The following PPP2R2C variants were observed in gnomAD, a reference collection of about 807,000 sequenced individuals.
PPP2R2C encodes the protein protein phosphatase 2 regulatory subunit Bgamma.
A neutral mutation model predicts 45.3 loss-of-function variants in PPP2R2C; 10 were observed. The observed-to-expected ratio is 0.22, with a 90% CI of 0.14 to 0.37. The LOEUF is 0.37. PPP2R2C is among the 10% of genes least tolerant of loss of function. The pLI, the probability that PPP2R2C is intolerant of heterozygous loss-of-function variation, is 1.00. For synonymous variants in PPP2R2C, 257 were observed against 245.4 expected (o/e 1.05, Z -0.44); for missense variants, 308 against 619.7 (o/e 0.50, Z 5.34).
At chr4:6,454,649 C>T (rs758883919) in intron 1 of PPP2R2C, among the ~76,000 whole-genome samples, 7 of 152,242 alleles carry the variant, frequency 4.6e-5, no homozygotes, top group Admixed American at 2.6e-4. Flanking sequence ...TCCTGACTCA[C>T]AGAATCCAGG....
intron 1 of PPP2R2C, among the ~76,000 whole-genome samples, chr4:6,402,439 G>T (rs1300039347): frequency 6.6e-6 from 1 of 152,154 alleles, no homozygotes; most frequent in Non-Finnish European, 1.5e-5. Flanking sequence ...TGCAAAATGG[G>T]CATGGTGCTA....
rs185207591 is a variant in PPP2R2C at position 6,493,593 on chromosome 4, C to T, written c.49+41678G>A. On this transcript the variant is annotated intron_variant, in intron 2 of 9. Transcript: ENST00000506140. ...GTTAGAAATCTGACACATACTAGATCGATCTAGTGCAAAATGAAAGATAAA... is the reference window on the plus strand; with the variant it reads ...GTTAGAAATCTGACACATACTAGATTGATCTAGTGCAAAATGAAAGATAAA... 7.3e-5 allele frequency among the ~76,000 whole-genome samples: 11 copies of T among 151,148 alleles called. No individual in the cohort carries two copies. In the East Asian group the frequency reaches 1.4e-3, roughly 19 times the overall value.
At position 6,478,761 on chromosome 4, in the gene PPP2R2C, G is replaced by T. The variant is rs139005751; in HGVS notation, c.49+56510C>A. ...ACAGCCGTGAATGACCCTCCAAAAC[G>T]CAGCGGCTTCAAGGCTATTTCGCAC... On this transcript the variant is annotated intron_variant, in intron 2 of 9. Coordinates refer to the PPP2R2C transcript ENST00000506140. Among the ~76,000 whole-genome samples, 83 of 152,284 alleles carry T rather than the reference G, an allele frequency of 5.5e-4. 1 individual carries two copies. The highest frequency in any genetic ancestry group is 1.9e-3 in the African/African-American group (79 of 41,556).
intron 2 of PPP2R2C, among the ~76,000 whole-genome samples, chr4:6,533,572 G>A (rs1006443947): frequency 3.9e-5 from 6 of 152,196 alleles, no homozygotes; most frequent in African/African-American, 1.4e-4. Context: ...GTTTTATGTC[G>A]TTAATGCCTA....
intron 5 of PPP2R2C, among the ~76,000 whole-genome samples, chr4:6,356,963 C>A (rs1271486867): frequency 6.7e-6 from 1 of 148,636 alleles, no homozygotes; most frequent in Admixed American, 6.7e-5. Flanking sequence ...TGTGGCACCT[C>A]GGGCCAGTCT....
At chr4:6,492,337 T>C (rs954133596) in intron 2 of PPP2R2C, among the ~76,000 whole-genome samples, 5 of 152,170 alleles carry the variant, frequency 3.3e-5, no homozygotes, top group African/African-American at 1.2e-4. Context: ...TGCCTACCCA[T>C]GGCCAACCCC....
At chr4:6,534,955 G>A (rs749513404) in intron 2 of PPP2R2C, among the ~76,000 whole-genome samples, 3 of 152,214 alleles carry the variant, frequency 2.0e-5, no homozygotes, top group African/African-American at 4.8e-5. Context: ...AGTAAACAAC[G>A]CTCCTGGCTC....
intron 3 of PPP2R2C, 108 bp from the exon 4 acceptor site, chr4:6,376,039 G>T: frequency 2.2e-6 from 2 of 914,204 alleles, no homozygotes; most frequent in Non-Finnish European, 3.4e-6. Flanking sequence ...GGGAAGGAGG[G>T]GGTTCTGCCA....
chr4:6,329,474 G>A lies in PPP2R2C; in HGVS notation c.961-121C>T, dbSNP rs73073189. On this transcript the variant is annotated intron_variant, in intron 7 of 8. Coordinates refer to ENST00000382599, the MANE Select transcript of PPP2R2C (RefSeq NM_020416.4). This position sits in a 1 kb window ranked among gnomAD's most constrained non-coding sequence, Gnocchi z 5.8. ...CCCTGACATGGCCCAGCGCAGACCT[G>A]CTCATCTCAGCGAGGGTCTGAATGC... 8,213 of 787,948 alleles carry A rather than the reference G, an allele frequency of 0.01. 409 individuals are homozygous for A. The African/African-American group carries it at 0.12, about 11-fold the overall frequency. The allele number at this position is 787,948 out of a possible 1,614,324, so 48.8% of individuals were successfully genotyped here.
At chr4:6,513,197 G>C (rs1723724167) in intron 2 of PPP2R2C, among the ~76,000 whole-genome samples, 1 of 152,172 alleles carries the variant, frequency 6.6e-6, no homozygotes, top group African/African-American at 2.4e-5. Context: ...CATCTACCCA[G>C]TAAATATGTT....
intron 2 of PPP2R2C, among the ~76,000 whole-genome samples, chr4:6,507,142 T>C (rs894306305): frequency 1.2e-4 from 18 of 152,180 alleles, no homozygotes; most frequent in African/African-American, 4.1e-4. Flanking sequence ...AATTCCAAAG[T>C]TCCATCTCAG....
chr4:6,376,136 G>A (rs562070268), intron 3 of PPP2R2C, among the ~76,000 whole-genome samples: 28 of 152,296 alleles, frequency 1.8e-4, no homozygotes, highest in East Asian at 3.9e-4. Context: ...GCCAGCCTCC[G>A]CAGTCAGGTG....
Position 6,535,785 on chromosome 4 carries a change from A to G in PPP2R2C, c.-58-408T>C, listed in dbSNP as rs1008390346. ...AACTAGAAGCCCCGCCCCACCCCATACAGGCCCACAGCCCACTCAGGCACA... is the reference window on the plus strand; with the variant it reads ...AACTAGAAGCCCCGCCCCACCCCATGCAGGCCCACAGCCCACTCAGGCACA... On this transcript the variant is annotated intron_variant, in intron 1 of 9. Transcript: ENST00000506140. 2.0e-5 allele frequency among the ~76,000 whole-genome samples: 3 copies of G among 152,044 alleles called. No homozygotes were observed. The East Asian group carries it at 5.8e-4, about 29-fold the overall frequency.
chr4:6,429,947 C>T (rs959677346), intron 1 of PPP2R2C, among the ~76,000 whole-genome samples: 1 of 152,008 alleles, frequency 6.6e-6, no homozygotes, highest in Non-Finnish European at 1.5e-5. Flanking sequence ...AACACAAGGC[C>T]CAGAGAAGTC....
At chr4:6,422,179 C>T (rs577356804) in intron 1 of PPP2R2C, among the ~76,000 whole-genome samples, 75 of 152,248 alleles carry the variant, frequency 4.9e-4, no homozygotes, top group Non-Finnish European at 8.1e-4. Flanking sequence ...GTTGATGAGG[C>T]TCCATAAAAT....
chr4:6,483,724 G>A (rs1314211642), intron 2 of PPP2R2C, among the ~76,000 whole-genome samples: 1 of 151,904 alleles, frequency 6.6e-6, no homozygotes, highest in Non-Finnish European at 1.5e-5. Flanking sequence ...GTCAGTCTAG[G>A]GCTTGTCTTT....
chr4:6,403,344 C>T (rs1717560708), intron 1 of PPP2R2C, among the ~76,000 whole-genome samples: 1 of 152,204 alleles, frequency 6.6e-6, no homozygotes, highest in Admixed American at 6.5e-5. Context: ...ACAAGAATTA[C>T]TCCCTGGCCT....
intron 2 of PPP2R2C, among the ~76,000 whole-genome samples, chr4:6,483,230 T>C (rs899610372): frequency 6.6e-6 from 1 of 152,178 alleles, no homozygotes; most frequent in Admixed American, 6.5e-5. Context: ...AGAAGTCATA[T>C]TGATTAATAA....
chr4:6,523,642 C>G (rs1004230729), intron 2 of PPP2R2C: 2 of 152,038 alleles, frequency 1.3e-5, no homozygotes, highest in African/African-American at 4.8e-5. Flanking sequence ...AGGGCCACCG[C>G]AAAAAAAGCT....
Sources: allele counts gnomAD v4.1 joint callset (sites outside exome capture counted in the v4.1 genomes callset), GRCh38; gene constraint gnomAD v4.1.1; non-coding constraint Gnocchi (gnomAD v3.1); transcripts MANE v1.5; gene names NCBI Gene and HGNC (gene_info 2026-07-23, HGNC 2026-07-21).